The following RNLS variants were observed in gnomAD, a reference collection of about 807,000 sequenced individuals.
RNLS encodes renalase.
A neutral mutation model predicts 39.8 loss-of-function variants in RNLS; 39 were observed. The observed-to-expected ratio is 0.98, with a 90% confidence interval of 0.76 to 1.28. The LOEUF (loss-of-function observed/expected upper bound fraction) is 1.28, where lower values mean the gene tolerates loss of function less well. Ranked by LOEUF, RNLS falls within the 50% of genes most tolerant of loss-of-function variation. The pLI is 0.00. For missense variants in RNLS, 410 were observed against 413.3 expected, an observed-to-expected ratio of 0.99 and a Z score of 0.07; for synonymous variants, 147 against 150.7, an observed-to-expected ratio of 0.98 and a Z score of 0.18.
the RNLS span, among the ~76,000 whole-genome samples, chr10:88,235,456 C>T: frequency 1.3e-5 from 2 of 151,946 alleles, no homozygotes; most frequent in South Asian, 2.1e-4. Flanking sequence ...AAACAAAACA[C>T]CAAGCTCATG....
chr10:88,356,273 T>C (rs1444918441), intron 5 of RNLS, among the ~76,000 whole-genome samples: 4 of 152,184 alleles, frequency 2.6e-5, no homozygotes, highest in Non-Finnish European at 5.9e-5. Context: ...GGTACCTCAG[T>C]TGGAAATGCA....
intron 4 of RNLS, among the ~76,000 whole-genome samples, chr10:88,511,967 T>C (rs1347933202): frequency 6.6e-6 from 1 of 152,224 alleles, no homozygotes; most frequent in Non-Finnish European, 1.5e-5. Context: ...AACAAACTGC[T>C]ATTGTGGATA....
At chr10:88,230,399 G>A in the RNLS span, among the ~76,000 whole-genome samples, 2 of 151,922 alleles carry the variant, frequency 1.3e-5, no homozygotes, top group Non-Finnish European at 2.9e-5. Context: ...CTCTCTCGTT[G>A]CCCTCATCCA....
At chr10:88,535,110 CATG>C (rs1436669178) in intron 4 of RNLS, among the ~76,000 whole-genome samples, 1 of 152,070 alleles carries the variant, frequency 6.6e-6, no homozygotes, top group Non-Finnish European at 1.5e-5. Context: ...ATCTATATAA[CATG>C]AGGATTAAAT....
intron 4 of RNLS, among the ~76,000 whole-genome samples, chr10:88,443,676 A>T (rs761147675): frequency 1.8e-4 from 28 of 152,394 alleles, no homozygotes; most frequent in African/African-American, 6.7e-4. Context: ...TATCCCGTGC[A>T]TGGCTTGGAG....
chr10:88,205,098 A>G, the RNLS span, among the ~76,000 whole-genome samples: 1 of 152,178 alleles, frequency 6.6e-6, no homozygotes, highest in South Asian at 2.1e-4. Context: ...GCATTTGTAT[A>G]TGAAGACACA....
chr10:88,541,389 C>T (rs1405194841), intron 4 of RNLS, among the ~76,000 whole-genome samples: 1 of 152,124 alleles, frequency 6.6e-6, no homozygotes, highest in Non-Finnish European at 1.5e-5. Flanking sequence ...AGATACTTGG[C>T]CATGATCTGA....
chr10:88,441,053 T>C (rs1233752288), intron 4 of RNLS, among the ~76,000 whole-genome samples: 3 of 152,224 alleles, frequency 2.0e-5, no homozygotes. Context: ...TCAGTTTCCT[T>C]TTTTAAAAAC....
At chr10:88,444,630 C>A (rs191160388) in intron 4 of RNLS, among the ~76,000 whole-genome samples, 5 of 152,024 alleles carry the variant, frequency 3.3e-5, no homozygotes, top group African/African-American at 9.7e-5. Context: ...CCTTAAATGA[C>A]CTGATGGAGC....
intron 5 of RNLS, among the ~76,000 whole-genome samples, chr10:88,359,438 GC>G (rs1345739333): frequency 6.6e-6 from 1 of 152,056 alleles, no homozygotes; most frequent in Non-Finnish European, 1.5e-5. Flanking sequence ...TAGTACCCTG[GC>G]CCCCAGATAG....
At chr10:88,340,500 A>G (rs1847848434) in intron 5 of RNLS, among the ~76,000 whole-genome samples, 1 of 151,620 alleles carries the variant, frequency 6.6e-6, no homozygotes. Context: ...AAAAGAAGGT[A>G]CATTTTTACA....
At position 88,359,878 on chromosome 10, in the gene RNLS, T is replaced by C. The variant is rs945707276; in HGVS notation, c.700+2674A>G. ...AGTCCGTTAGGAGATATGACTCTGC[T>C]ATTTCTTTCCTTCCTGTGTGCCTTT... On this transcript the variant is annotated intron_variant, in intron 5 of 6. Transcript: ENST00000331772. Among the ~76,000 whole-genome samples the C allele has an allele frequency of 3.3e-5, 5 of 152,348 alleles. No individual in the cohort carries two copies. The East Asian group carries it at 9.6e-4, about 29-fold the overall frequency.
chr10:88,293,237 G>C (rs1219593374), intron 6 of RNLS, among the ~76,000 whole-genome samples: 2 of 152,154 alleles, frequency 1.3e-5, no homozygotes, highest in East Asian at 1.9e-4. Context: ...CGTATGTGAG[G>C]TATTGACCAT....
chr10:88,510,023 T>C lies in RNLS; in HGVS notation c.526+62880A>G, dbSNP rs575367121. On this transcript the variant is annotated intron_variant, in intron 4 of 6. Transcript: ENST00000331772. ...CATTGTAAGTAATCCCCTAGGATAT[T>C]AACATTTGGAGTACATATGCCTACT... Among the ~76,000 whole-genome samples the C allele has an allele frequency of 4.9e-4, 74 of 152,294 alleles. No homozygotes were observed. In the South Asian group the frequency reaches 0.014, roughly 28 times the overall value.
intron 5 of RNLS, among the ~76,000 whole-genome samples, chr10:88,350,947 C>G (rs907237745): frequency 2.0e-5 from 3 of 152,178 alleles, no homozygotes; most frequent in Non-Finnish European, 4.4e-5. Flanking sequence ...GATGATATCT[C>G]ATTGTGGTTT....
chr10:88,296,327 A>G (rs1429532455), intron 6 of RNLS, among the ~76,000 whole-genome samples: 1 of 152,094 alleles, frequency 6.6e-6, no homozygotes, highest in Non-Finnish European at 1.5e-5. Context: ...GGGCCTCACT[A>G]CTACCTCTTC....
chr10:88,383,522 C>A (rs1851676195), intron 4 of RNLS, among the ~76,000 whole-genome samples: 1 of 152,150 alleles, frequency 6.6e-6, no homozygotes, highest in South Asian at 2.1e-4. Context: ...ACCTCCATTT[C>A]CACACAAACG....
chr10:88,270,630 A>G (rs1320955831), downstream of RNLS, among the ~76,000 whole-genome samples: 1 of 152,188 alleles, frequency 6.6e-6, no homozygotes, highest in African/African-American at 2.4e-5. Flanking sequence ...TACTTGTCCA[A>G]TAGTAAACAC....
chr10:88,416,027 C>A (rs190416797), intron 4 of RNLS, among the ~76,000 whole-genome samples: 2 of 152,156 alleles, frequency 1.3e-5, no homozygotes, highest in Non-Finnish European at 2.9e-5. Flanking sequence ...CTATTTCTGA[C>A]CTTCATGACC....
Sources: allele counts gnomAD v4.1 joint callset (sites outside exome capture counted in the v4.1 genomes callset), GRCh38; gene constraint gnomAD v4.1.1; transcripts MANE v1.5; gene names NCBI Gene and HGNC (gene_info 2026-07-23, HGNC 2026-07-21).